The following MCTP1 variants were observed in gnomAD, a reference collection of about 807,000 sequenced individuals.
MCTP1 encodes multiple C2 and transmembrane domain containing 1.
MCTP1 carries 69 observed loss-of-function variants against 120.6 expected under a neutral mutation model. The ratio of observed to expected loss-of-function variants is 0.57; its 90% CI spans 0.47 to 0.70. The LOEUF is 0.70. Among genes scored for constraint, MCTP1 ranks in the 30% least tolerant of loss-of-function variants. The pLI, the probability that MCTP1 is intolerant of heterozygous loss-of-function variation, is 0.00. For missense variants in MCTP1, 1,203 were observed against 1,248.8 expected, an observed-to-expected ratio of 0.96 and a Z score of 0.55; for synonymous variants, 529 against 493.1, an observed-to-expected ratio of 1.07 and a Z score of -0.96.
Position 94,857,960 on chromosome 5 carries a change from G to T in MCTP1, c.2436+10373C>A, listed in dbSNP as rs1242679274. ...AATTTGGATCCATATAATTTTAAAG[G>T]CAATTTAGAAAGACAGCGATACAAT... On this transcript the variant is annotated intron_variant, in intron 17 of 22. Coordinates refer to ENST00000515393, the MANE Select transcript of MCTP1 (RefSeq NM_024717.7). Among the ~76,000 whole-genome samples, 4 of 151,716 alleles carry T rather than the reference G, an allele frequency of 2.6e-5. 1 individual carries two copies. Among genetic ancestry groups the T allele is most frequent in the South Asian group, 4.1e-4 (2 of 4,830 alleles).
At chr5:94,850,601 G>A (rs1277109467) in intron 17 of MCTP1, among the ~76,000 whole-genome samples, 1 of 152,088 alleles carries the variant, frequency 6.6e-6, no homozygotes, top group Non-Finnish European at 1.5e-5. Context: ...CTGCACACTG[G>A]GACATGGATT....
chr5:94,851,343 A>G (rs1793654339), intron 17 of MCTP1, among the ~76,000 whole-genome samples: 1 of 152,072 alleles, frequency 6.6e-6, no homozygotes, highest in African/African-American at 2.4e-5. Flanking sequence ...AACATATCCC[A>G]CTATCACTGC....
intron 18 of MCTP1, among the ~76,000 whole-genome samples, chr5:94,793,916 A>G (rs893057940): frequency 1.3e-5 from 2 of 152,230 alleles, no homozygotes; most frequent in African/African-American, 4.8e-5. Context: ...ATTTGTAGAG[A>G]TAAGTGCTCT....
At chr5:94,921,283 C>T (rs1043954166) in intron 7 of MCTP1, among the ~76,000 whole-genome samples, 1 of 152,102 alleles carries the variant, frequency 6.6e-6, no homozygotes, top group Admixed American at 6.5e-5. Context: ...TGATGAATAA[C>T]AAATGTTATG....
chr5:95,282,047 G>T (rs187455400), intron 1 of MCTP1, among the ~76,000 whole-genome samples: 2 of 152,164 alleles, frequency 1.3e-5, no homozygotes, highest in Non-Finnish European at 2.9e-5. Flanking sequence ...ATTGGTTTAC[G>T]AATCTGTAAA....
chr5:95,194,608 A>G (rs746372527), intron 1 of MCTP1, among the ~76,000 whole-genome samples: 14 of 152,206 alleles, frequency 9.2e-5, no homozygotes, highest in Non-Finnish European at 1.2e-4. Flanking sequence ...GTATATGTAC[A>G]GTCACTATCC....
chr5:94,865,440 T>C (rs1270079093), intron 17 of MCTP1, among the ~76,000 whole-genome samples: 1 of 151,792 alleles, frequency 6.6e-6, no homozygotes, highest in African/African-American at 2.4e-5. Context: ...CTGTGCTCTG[T>C]GAGGCAGTGG....
At chr5:94,915,327 T>C (rs960855705) in intron 8 of MCTP1, among the ~76,000 whole-genome samples, 5 of 152,186 alleles carry the variant, frequency 3.3e-5, no homozygotes, top group Non-Finnish European at 1.5e-5. Flanking sequence ...TACAAGTGTT[T>C]AGGGTGGAGA....
chr5:94,774,453 A>G (rs1439699928), intron 19 of MCTP1, among the ~76,000 whole-genome samples: 1 of 152,150 alleles, frequency 6.6e-6, no homozygotes, highest in Non-Finnish European at 1.5e-5. Flanking sequence ...GCCATGGAAA[A>G]TGGCAACTAG....
intron 17 of MCTP1, among the ~76,000 whole-genome samples, chr5:94,807,705 T>A (rs559041999): frequency 2.9e-5 from 2 of 70,048 alleles, no homozygotes; most frequent in Non-Finnish European, 5.5e-5. Flanking sequence ...ATGACTAGGA[T>A]GGGAGAAGGG....
intron 1 of MCTP1, among the ~76,000 whole-genome samples, chr5:95,173,167 G>T (rs1362413613): frequency 6.6e-6 from 1 of 152,078 alleles, no homozygotes; most frequent in African/African-American, 2.4e-5. Flanking sequence ...CATCTACTTT[G>T]AAAATACACA....
At chr5:94,784,950 A>T (rs1405303673) in intron 18 of MCTP1, 1 of 152,050 alleles carries the variant, frequency 6.6e-6, no homozygotes, top group African/African-American at 2.4e-5. Context: ...CTTAATAAGG[A>T]ATGTGGCTTT....
At chr5:94,944,856 T>TA (rs1818551433) in intron 3 of MCTP1, among the ~76,000 whole-genome samples, 1 of 152,144 alleles carries the variant, frequency 6.6e-6, no homozygotes. Flanking sequence ...GCTTTAGAAA[T>TA]ACAGAGCATA....
Position 95,145,163 on chromosome 5 carries a change from A to G in MCTP1, c.721-127679T>C, listed in dbSNP as rs562321412. On this transcript the variant is annotated intron_variant, in intron 1 of 22. Coordinates refer to ENST00000515393, the MANE Select transcript of MCTP1 (RefSeq NM_024717.7). ...TACTTCAATTTTTTGCAGCTATTTT[A>G]AATGGGATTGTGTTCTTGATTTGGC... Among the ~76,000 whole-genome samples, 33 of 152,210 alleles carry G rather than the reference A, an allele frequency of 2.2e-4. No individual in the cohort carries two copies. In the South Asian group the frequency reaches 6.8e-3, roughly 32 times the overall value.
At chr5:95,234,563 T>C (rs1755330073) in intron 1 of MCTP1, among the ~76,000 whole-genome samples, 2 of 152,212 alleles carry the variant, frequency 1.3e-5, no homozygotes, top group Non-Finnish European at 2.9e-5. Flanking sequence ...ACGCAGTTAT[T>C]GCTGTGAGTA....
At chr5:94,826,327 T>G (rs1476050944) in intron 17 of MCTP1, 2 of 540,882 alleles carry the variant, frequency 3.7e-6, no homozygotes, top group African/African-American at 3.8e-5. Context: ...CCTCTTGAGC[T>G]TCACAAAGGT....
At chr5:95,182,888 T>C (rs1748764281) in intron 1 of MCTP1, among the ~76,000 whole-genome samples, 1 of 151,866 alleles carries the variant, frequency 6.6e-6, no homozygotes, top group Non-Finnish European at 1.5e-5. Flanking sequence ...TAGCCGGACA[T>C]GGTGGCGGGT....
intron 2 of MCTP1, among the ~76,000 whole-genome samples, chr5:94,990,324 G>GT (rs2153613912): frequency 6.6e-6 from 1 of 152,314 alleles, no homozygotes; most frequent in African/African-American, 2.4e-5. Context: ...TAGAAAAAGA[G>GT]TTTTCCATTT....
chr5:95,190,457 T>C (rs1019425101), intron 1 of MCTP1, among the ~76,000 whole-genome samples: 1 of 152,142 alleles, frequency 6.6e-6, no homozygotes, highest in Non-Finnish European at 1.5e-5. Context: ...CTTTATGAAT[T>C]TTCTTTCTGC....
Sources: allele counts gnomAD v4.1 joint callset (sites outside exome capture counted in the v4.1 genomes callset), GRCh38; gene constraint gnomAD v4.1.1; transcripts MANE v1.5; gene names NCBI Gene and HGNC (gene_info 2026-07-23, HGNC 2026-07-21).